The following STPG2 variants were observed in gnomAD, a reference collection of about 807,000 sequenced individuals.
STPG2 encodes sperm tail PG-rich repeat containing 2, also known as sperm-tail PG-rich repeat-containing protein 2.
Under a neutral mutation model 54.2 loss-of-function variants are expected in STPG2, and 56 were observed. That is an observed-to-expected ratio of 1.03 (90% CI 0.83 to 1.29). The LOEUF is 1.29. Among genes scored for constraint, STPG2 ranks in the 50% most tolerant of loss-of-function variants. The pLI is 0.00. For synonymous variants in STPG2, 200 were observed against 181.8 expected (o/e 1.10, Z -0.81); for missense variants, 596 against 544.9 (o/e 1.09, Z -0.93).
chr4:97,942,535 C>A (rs1212714366), intron 8 of STPG2, among the ~76,000 whole-genome samples: 1 of 151,974 alleles, frequency 6.6e-6, no homozygotes, highest in Non-Finnish European at 1.5e-5. Flanking sequence ...AGAATAGAAC[C>A]TGATGCTGAT....
intron 9 of STPG2, among the ~76,000 whole-genome samples, chr4:97,728,860 CTTT>C (rs1245379416): frequency 6.6e-6 from 1 of 151,568 alleles, no homozygotes; most frequent in Non-Finnish European, 1.5e-5. Flanking sequence ...CTCCAGAAAT[CTTT>C]TTATCAAAGA....
At chr4:97,599,937 G>GC (rs1733414519) in intron 10 of STPG2, among the ~76,000 whole-genome samples, 1 of 152,108 alleles carries the variant, frequency 6.6e-6, no homozygotes. Flanking sequence ...GTTCTTTGCT[G>GC]CAACATGGAT....
At chr4:98,101,864 T>TCCCCCCCCCCCCCC (rs140638030) in intron 5 of STPG2, among the ~76,000 whole-genome samples, 2 of 143,880 alleles carry the variant, frequency 1.4e-5, no homozygotes, top group African/African-American at 2.6e-5. Context: ...TTTCATTATC[T>TCCCCCCCCCCCCCC]TCCCCCTCCC....
At chr4:97,601,776 A>C (rs761838311) in intron 10 of STPG2, among the ~76,000 whole-genome samples, 9 of 151,934 alleles carry the variant, frequency 5.9e-5, no homozygotes, top group South Asian at 2.1e-4. Flanking sequence ...GTTCTTCCTT[A>C]GGAGTGTGTT....
At chr4:97,790,106 G>C (rs1346996823) in intron 9 of STPG2, among the ~76,000 whole-genome samples, 8 of 152,088 alleles carry the variant, frequency 5.3e-5, no homozygotes, top group African/African-American at 1.9e-4. Flanking sequence ...CTTTTAGTCT[G>C]TAACTCCCAC....
At chr4:97,927,270 T>G (rs186881221) in intron 8 of STPG2, among the ~76,000 whole-genome samples, 3 of 152,126 alleles carry the variant, frequency 2.0e-5, no homozygotes, top group Admixed American at 1.3e-4. Flanking sequence ...CACTAAATAA[T>G]TCTAAGAAAT....
intron 10 of STPG2, among the ~76,000 whole-genome samples, chr4:97,560,668 C>A (rs1695239494): frequency 6.6e-6 from 1 of 152,010 alleles, no homozygotes; most frequent in Admixed American, 6.6e-5. Context: ...TAAAACAAAA[C>A]AAAACAATGA....
chr4:97,465,388 A>C, intron 4 of STPG2, among the ~76,000 whole-genome samples: 1 of 152,180 alleles, frequency 6.6e-6, no homozygotes, highest in East Asian at 1.9e-4. Flanking sequence ...ATGACTTTCA[A>C]GCTCTTTATA....
At chr4:97,744,642 A>G (rs1462673840) in intron 9 of STPG2, among the ~76,000 whole-genome samples, 1 of 151,320 alleles carries the variant, frequency 6.6e-6, no homozygotes, top group Admixed American at 6.6e-5. Flanking sequence ...GATTTTTCCT[A>G]TAAATACATA....
intron 10 of STPG2, among the ~76,000 whole-genome samples, chr4:97,612,084 AAAG>A (rs1320685451): frequency 6.6e-6 from 1 of 151,852 alleles, no homozygotes; most frequent in Non-Finnish European, 1.5e-5. Flanking sequence ...AAAATCAAGA[AAAG>A]AATTTAATAA....
At chr4:97,884,084 G>A (rs1162028507) in intron 8 of STPG2, among the ~76,000 whole-genome samples, 1 of 151,946 alleles carries the variant, frequency 6.6e-6, no homozygotes, top group Admixed American at 6.6e-5. Context: ...AATCAGTCCA[G>A]GCCCAATAAA....
At chr4:97,732,332 T>G (rs1724827058) in intron 9 of STPG2, among the ~76,000 whole-genome samples, 1 of 152,174 alleles carries the variant, frequency 6.6e-6, no homozygotes, top group South Asian at 2.1e-4. Context: ...TATATTTAAG[T>G]CATTGATCCA....
intron 5 of STPG2, among the ~76,000 whole-genome samples, chr4:98,079,658 T>C (rs1738281222): frequency 6.6e-6 from 1 of 152,154 alleles, no homozygotes; most frequent in South Asian, 2.1e-4. Context: ...TTTTGAGAAA[T>C]TAATTTCTCC....
chr4:98,111,045 G>A (rs954401139), intron 3 of STPG2, among the ~76,000 whole-genome samples: 1 of 152,036 alleles, frequency 6.6e-6, no homozygotes, highest in African/African-American at 2.4e-5. Flanking sequence ...AGGACTTTCT[G>A]GAAGATATAG....
intron 9 of STPG2, among the ~76,000 whole-genome samples, chr4:97,744,357 T>A (rs953375390): frequency 6.6e-6 from 1 of 151,326 alleles, no homozygotes; most frequent in Non-Finnish European, 1.5e-5. Context: ...AATGGCTTTT[T>A]AATTGTTGGG....
chr4:97,547,641 A>G (rs1368063656), intron 4 of STPG2, among the ~76,000 whole-genome samples: 1 of 152,166 alleles, frequency 6.6e-6, no homozygotes, highest in African/African-American at 2.4e-5. Flanking sequence ...GGAGTTTATA[A>G]AGATCAGGTA....
chr4:97,531,258 G>A (rs1395047057), intron 4 of STPG2, among the ~76,000 whole-genome samples: 1 of 152,184 alleles, frequency 6.6e-6, no homozygotes, highest in African/African-American at 2.4e-5. Context: ...TTGTTAGTGG[G>A]AATGTAAATT....
intron 10 of STPG2, among the ~76,000 whole-genome samples, chr4:97,564,035 T>C (rs1391047533): frequency 1.3e-5 from 2 of 152,224 alleles, no homozygotes; most frequent in Non-Finnish European, 2.9e-5. Context: ...CAGTGGGGTG[T>C]TAAAGTCTCC....
chr4:98,045,618 T>C (rs956265743), intron 5 of STPG2, among the ~76,000 whole-genome samples: 1 of 152,170 alleles, frequency 6.6e-6, no homozygotes, highest in African/African-American at 2.4e-5. Context: ...GCTCATATAG[T>C]ATTTGGGGGT....
Sources: allele counts gnomAD v4.1 joint callset (sites outside exome capture counted in the v4.1 genomes callset), GRCh38; gene constraint gnomAD v4.1.1; transcripts MANE v1.5; gene names NCBI Gene and HGNC (gene_info 2026-07-23, HGNC 2026-07-21).